ITGA11: variants seen among roughly 807,000 people sequenced by gnomAD.
ITGA11 encodes integrin subunit alpha 11.
In ITGA11, 97 loss-of-function variants were observed where a neutral mutation model predicts 141.9. That is an observed-to-expected ratio of 0.68 (90% CI 0.58 to 0.81). The LOEUF (loss-of-function observed/expected upper bound fraction) is 0.81. Ranked by LOEUF, ITGA11 falls within the 30% of genes least tolerant of loss-of-function variation. The pLI is 0.00. For synonymous variants in ITGA11, 658 were observed against 624.6 expected (o/e 1.05, Z -0.80); for missense variants, 1,387 against 1,559.2 (o/e 0.89, Z 1.86).
Position 68,351,192 on chromosome 15 carries a change from C to G in ITGA11, c.894+66G>C, listed in dbSNP as rs979438803. On this transcript the variant is annotated intron_variant, in intron 8 of 29. Coordinates refer to ENST00000315757, the MANE Select transcript of ITGA11 (RefSeq NM_001004439.2). ...CTGCCTGGAACTAGTCCCTTGGAGT[C>G]CCCAGGGATTTGATGGTAAAGCCTC... is the stretch of plus-strand genomic sequence containing the variant. 3 of 1,540,272 alleles carry G rather than the reference C, an allele frequency of 1.9e-6. No individual in the cohort carries two copies. The Admixed American group carries it at 5.3e-5, about 27-fold the overall frequency.
Position 68,413,413 on chromosome 15 carries a change from G to A in ITGA11, c.53-10384C>T, listed in dbSNP as rs866660529. 6.6e-5 allele frequency among the ~76,000 whole-genome samples: 10 copies of A among 152,284 alleles called. No homozygotes were observed. In the Middle Eastern group the frequency reaches 0.01, roughly 155 times the overall value. ...GGGTCTATGGAGCTCCAGGTTCCAT[G>A]GTAGGAAGTGAGGACACCAAGCTGG... On this transcript the variant is annotated intron_variant, in intron 1 of 29. Transcript: ENST00000315757.
At position 68,403,047 on chromosome 15, in the gene ITGA11, GAGAGGAGAAGC is replaced by G. The variant is rs1321670326; in HGVS notation, c.53-29_53-19del. 6.4e-7 allele frequency: 1 copy of G among 1,555,404 alleles called. No homozygotes were observed. Among genetic ancestry groups the G allele is most frequent in the African/African-American group, 1.4e-5 (1 of 73,950 alleles). ...CGTGAACCCTGAGGCAGGGGGAGAG[GAGAGGAGAAGC>G]AGGGGAGTCAGACAGGCAGAGGTGT... On this transcript the variant is annotated intron_variant, in intron 1 of 29. Transcript: ENST00000315757.
intron 10 of ITGA11, among the ~76,000 whole-genome samples, chr15:68,346,391 GTCC>G (rs1440660444): frequency 5.3e-5 from 8 of 152,146 alleles, no homozygotes; most frequent in Non-Finnish European, 1.5e-5. Flanking sequence ...CCATTTTAAT[GTCC>G]TCCTCTTTTT....
At chr15:68,399,796 C>T (rs1019884778) in intron 2 of ITGA11, among the ~76,000 whole-genome samples, 24 of 152,134 alleles carry the variant, frequency 1.6e-4, no homozygotes, top group African/African-American at 5.5e-4. Flanking sequence ...TTGAGGACCA[C>T]TAGAGTGGGG....
At chr15:68,412,331 G>T (rs1273805747) in intron 1 of ITGA11, among the ~76,000 whole-genome samples, 1 of 152,080 alleles carries the variant, frequency 6.6e-6, no homozygotes, top group Non-Finnish European at 1.5e-5. Flanking sequence ...GGCAGAGCTG[G>T]GCCCGGGCCT....
chr15:68,299,299 C>T lies in ITGA11; in HGVS notation c.*3760G>A, dbSNP rs180834462. The T allele has an allele frequency of 9.2e-5, 14 of 152,212 alleles. 1 individual carries two copies. The highest frequency in any genetic ancestry group is 3.4e-3 in the Middle Eastern group (1 of 292). The allele number at this position is 152,212 out of a possible 1,614,324, so 9.4% of individuals were successfully genotyped here. On this transcript the variant is annotated 3_prime_UTR_variant, in exon 30 of 30. Transcript: ENST00000315757. ...GTCCTATTTTAGCATGATGTTGAAACTAATAGAATAGACAGTGACACAAAA... is the reference window on the plus strand; with the variant it reads ...GTCCTATTTTAGCATGATGTTGAAATTAATAGAATAGACAGTGACACAAAA...
chr15:68,341,605 C>T (rs565012287), intron 10 of ITGA11, among the ~76,000 whole-genome samples: 1 of 152,324 alleles, frequency 6.6e-6, no homozygotes, highest in South Asian at 2.1e-4. Context: ...TTCCATTTTC[C>T]ACCTGAACCC....
chr15:68,408,200 CCCATCA>C (rs922434417), intron 1 of ITGA11, among the ~76,000 whole-genome samples: 12 of 152,122 alleles, frequency 7.9e-5, no homozygotes, highest in African/African-American at 2.7e-4. Context: ...TGATGAGCTT[CCCATCA>C]CCTTTAAACC....
In ITGA11 at chr15:68,328,099, CA is replaced by C; in HGVS notation, c.2064del (p.Val689LeufsTer55). On this transcript the variant is annotated frameshift_variant, in exon 16 of 30. Transcript: ENST00000315757. LOFTEE classifies it high-confidence loss of function. This position sits in a 1 kb window ranked among gnomAD's most constrained non-coding sequence, Gnocchi z 4.8. ...AGAAAGGAGGGGCCTGCTTTACCAACAGTTGTTGTTTGGAAATGGGGTGCCA... is the reference window on the plus strand; with the variant it reads ...AGAAAGGAGGGGCCTGCTTTACCAACGTTGTTGTTTGGAAATGGGGTGCCA... ...IFLAPHFQTT[T>X]VGIRYNATMD... 1 of 1,613,296 alleles carries C rather than the reference CA, an allele frequency of 6.2e-7. No homozygotes were observed. The highest frequency in any genetic ancestry group is 8.5e-7 in the Non-Finnish European group (1 of 1,179,604).
chr15:68,389,969 C>T lies in ITGA11; in HGVS notation c.164+12949G>A, dbSNP rs561969984. 5.3e-5 allele frequency among the ~76,000 whole-genome samples: 8 copies of T among 152,268 alleles called. No individual in the cohort carries two copies. In the South Asian group the frequency reaches 8.3e-4, roughly 16 times the overall value. On this transcript the variant is annotated intron_variant, in intron 2 of 29. Coordinates refer to ENST00000315757, the MANE Select transcript of ITGA11 (RefSeq NM_001004439.2). The stretch of plus-strand genomic sequence containing the variant: ...GGACATCAAATGGTCTTAAAACCCA[C>T]GGAATTAATAATTTCAATGTAAATG...
chr15:68,369,414 C>T (rs1007163210), intron 2 of ITGA11, 130 bp from the exon 3 acceptor site: 1 of 643,946 alleles, frequency 1.6e-6, no homozygotes, highest in Non-Finnish European at 2.8e-6. Flanking sequence ...GAGGTGTGAC[C>T]ACATGCAGAC....
intron 2 of ITGA11, among the ~76,000 whole-genome samples, chr15:68,387,035 G>A (rs1180881703): frequency 6.6e-6 from 1 of 152,120 alleles, no homozygotes; most frequent in African/African-American, 2.4e-5. Context: ...GATGGGGGAG[G>A]AGGGGATGAG....
intron 2 of ITGA11, among the ~76,000 whole-genome samples, chr15:68,380,770 A>G (rs1307559492): frequency 6.6e-6 from 1 of 152,144 alleles, no homozygotes; most frequent in Non-Finnish European, 1.5e-5. Flanking sequence ...ATCTGGAGGG[A>G]CAGACAATTC....
intron 2 of ITGA11, among the ~76,000 whole-genome samples, chr15:68,400,730 ATATTATATATTATATAATAAATAT>A (rs1896467499): frequency 4.2e-5 from 1 of 23,790 alleles, no homozygotes; most frequent in East Asian, 7.4e-3. Context: ...TATATAATAA[ATATTATATATTATATAATAAATAT>A]TATAATATTA....
chr15:68,431,984 A>T, intron 1 of ITGA11, 31 bp downstream of exon 1: 1 of 1,287,480 alleles, frequency 7.8e-7, no homozygotes. Flanking sequence ...GGACTCCGAG[A>T]GGCAAGGGGA....
chr15:68,319,592 T>C (rs1295056971), intron 20 of ITGA11, among the ~76,000 whole-genome samples: 1 of 152,174 alleles, frequency 6.6e-6, no homozygotes, highest in Non-Finnish European at 1.5e-5. Flanking sequence ...CTGGGAGTGA[T>C]CAGAAGTTTT....
chr15:68,339,131 G>A (rs1379046375), intron 11 of ITGA11, among the ~76,000 whole-genome samples: 1 of 152,176 alleles, frequency 6.6e-6, no homozygotes, highest in East Asian at 1.9e-4. Flanking sequence ...CTCGACTTGC[G>A]TTTTGCCTTT....
intron 1 of ITGA11, among the ~76,000 whole-genome samples, chr15:68,405,286 T>C (rs1896622265): frequency 6.6e-6 from 1 of 151,472 alleles, no homozygotes; most frequent in Non-Finnish European, 1.5e-5. Flanking sequence ...ATACGTGTTA[T>C]CTTATTGAAC....
intron 3 of ITGA11, among the ~76,000 whole-genome samples, chr15:68,366,013 G>C (rs1440393645): frequency 6.6e-6 from 1 of 152,194 alleles, no homozygotes; most frequent in Non-Finnish European, 1.5e-5. Flanking sequence ...GTCAGACACA[G>C]ACTGTTTTGT....
Sources: allele counts gnomAD v4.1 joint callset (sites outside exome capture counted in the v4.1 genomes callset), GRCh38; gene constraint gnomAD v4.1.1; non-coding constraint Gnocchi (gnomAD v3.1); transcripts MANE v1.5; gene names NCBI Gene and HGNC (gene_info 2026-07-23, HGNC 2026-07-21).